ADGRG6: variants seen among roughly 807,000 people sequenced by gnomAD.
ADGRG6 encodes the protein G-protein coupled receptor 126.
Under a neutral mutation model 142.4 loss-of-function variants are expected in ADGRG6, and 84 were observed. The ratio of observed to expected loss-of-function variants is 0.59; its 90% CI spans 0.49 to 0.71. The LOEUF (loss-of-function observed/expected upper bound fraction) is 0.71, where lower values mean the gene tolerates loss of function less well. ADGRG6 is among the 30% of genes least tolerant of loss of function. The pLI, the probability that ADGRG6 is intolerant of heterozygous loss-of-function variation, is 0.00. For missense variants in ADGRG6, 1,367 were observed against 1,466.6 expected (o/e 0.93, Z 1.11); for synonymous variants, 521 against 520.5 (o/e 1.00, Z -0.01).
rs1774986111 is a variant in ADGRG6, at chr6:142,393,106, G to A, written c.1361+106G>A. The A allele has an allele frequency of 4.7e-6, 3 of 639,244 alleles. No homozygotes were observed. In the African/African-American group the frequency reaches 5.5e-5, roughly 12 times the overall value. 39.6% of individuals were successfully genotyped at this position (639,244 alleles called of 1,614,324 possible). Reference sequence around the variant, plus strand: ...ATATACATACAAATACACACACATAGCTACTATATACATAATCTTTCTAAA... The same window carrying A: ...ATATACATACAAATACACACACATAACTACTATATACATAATCTTTCTAAA... On this transcript the variant is annotated intron_variant, in intron 8 of 24. Transcript: ENST00000367609.
chr6:142,392,686 A>G (rs1774957466), intron 7 of ADGRG6, among the ~76,000 whole-genome samples: 1 of 151,970 alleles, frequency 6.6e-6, no homozygotes, highest in Non-Finnish European at 1.5e-5. Context: ...CAGTTTCTTT[A>G]TATATAAGAC....
chr6:142,322,959 T>G (rs1050330710), intron 2 of ADGRG6, among the ~76,000 whole-genome samples: 1 of 152,044 alleles, frequency 6.6e-6, no homozygotes, highest in East Asian at 1.9e-4. Flanking sequence ...CTAGAGGAGC[T>G]CAGCACCTGG....
chr6:142,400,038 T>C (rs561183183), intron 10 of ADGRG6, among the ~76,000 whole-genome samples: 3 of 152,318 alleles, frequency 2.0e-5, no homozygotes, highest in Non-Finnish European at 4.4e-5. Context: ...TGGAACATTT[T>C]CTATAAAATA....
intron 22 of ADGRG6, among the ~76,000 whole-genome samples, chr6:142,429,339 A>G (rs2115152306): frequency 6.6e-6 from 1 of 152,352 alleles, no homozygotes; most frequent in Non-Finnish European, 1.5e-5. Flanking sequence ...TGTATAATAC[A>G]CATATTGAAT....
At chr6:142,423,873 A>AG (rs1212004540) in intron 22 of ADGRG6, among the ~76,000 whole-genome samples, 2 of 139,226 alleles carry the variant, frequency 1.4e-5, no homozygotes, top group African/African-American at 5.5e-5. Flanking sequence ...TTCTCCTTGA[A>AG]GAGGTCCTTC....
At chr6:142,335,621 T>C (rs559503266) in intron 2 of ADGRG6, among the ~76,000 whole-genome samples, 4 of 152,106 alleles carry the variant, frequency 2.6e-5, no homozygotes, top group Middle Eastern at 3.4e-3. Context: ...GGAGTTGAGA[T>C]CCCGATTTGG....
At chr6:142,347,132 G>T (rs1037472617) in intron 2 of ADGRG6, among the ~76,000 whole-genome samples, 25 of 151,892 alleles carry the variant, frequency 1.6e-4, no homozygotes, top group African/African-American at 6.0e-4. Context: ...AATTCTTAGG[G>T]CTAGAGACAG....
At chr6:142,429,887 A>G (rs1777127676) in intron 22 of ADGRG6, among the ~76,000 whole-genome samples, 1 of 152,076 alleles carries the variant, frequency 6.6e-6, no homozygotes, top group Non-Finnish European at 1.5e-5. Context: ...CCCCATCTTT[A>G]CAAAAATAAA....
intron 2 of ADGRG6, among the ~76,000 whole-genome samples, chr6:142,329,061 G>T (rs1778916247): frequency 6.6e-6 from 1 of 152,134 alleles, no homozygotes; most frequent in African/African-American, 2.4e-5. Context: ...CTTCATATGG[G>T]CCCTGGAAAA....
At chr6:142,361,808 G>GT (rs113523803) in intron 2 of ADGRG6, among the ~76,000 whole-genome samples, 12,919 of 144,350 alleles carry the variant, frequency 0.089, 661 homozygotes, top group East Asian at 0.26. Context: ...CCTTTAGATT[G>GT]TTTTTTTTTT....
intron 24 of ADGRG6, 90 bp from the exon 25 acceptor site, chr6:142,443,247 T>C: frequency 1.4e-6 from 1 of 717,256 alleles, no homozygotes; most frequent in South Asian, 2.3e-5. Context: ...TTGTTCTTCT[T>C]TAATGTGCAA....
intron 1 of ADGRG6, among the ~76,000 whole-genome samples, chr6:142,309,017 G>T (rs1777634039): frequency 6.6e-6 from 1 of 151,458 alleles, no homozygotes. Context: ...ACCTTTTTTG[G>T]AATGTTAATG....
intron 2 of ADGRG6, among the ~76,000 whole-genome samples, chr6:142,330,024 A>G (rs914704682): frequency 1.3e-5 from 2 of 151,342 alleles, no homozygotes; most frequent in African/African-American, 4.9e-5. Context: ...AAAACAACAT[A>G]TTCTGCTGGA....
intron 15 of ADGRG6, among the ~76,000 whole-genome samples, chr6:142,407,030 A>G (rs913009616): frequency 6.6e-6 from 1 of 151,898 alleles, no homozygotes; most frequent in Non-Finnish European, 1.5e-5. Flanking sequence ...TCTCTACCAA[A>G]GTTGTTATTA....
chr6:142,430,870 A>G (rs1391832581), intron 22 of ADGRG6, among the ~76,000 whole-genome samples: 4 of 152,030 alleles, frequency 2.6e-5, no homozygotes, highest in Non-Finnish European at 4.4e-5. Context: ...TTCCTTCACT[A>G]TATTTGCTGA....
At chr6:142,348,225 G>C (rs930568580) in intron 2 of ADGRG6, among the ~76,000 whole-genome samples, 2 of 152,242 alleles carry the variant, frequency 1.3e-5, no homozygotes, top group East Asian at 3.9e-4. Context: ...TTCTAGGACA[G>C]TATATTTCTA....
chr6:142,353,291 G>T (rs1780276697), intron 2 of ADGRG6, among the ~76,000 whole-genome samples: 1 of 151,992 alleles, frequency 6.6e-6, no homozygotes, highest in Admixed American at 6.6e-5. Flanking sequence ...ATCACCAATT[G>T]CTACAGGAGG....
chr6:142,357,816 T>C (rs1026655937), intron 2 of ADGRG6, among the ~76,000 whole-genome samples: 1 of 152,202 alleles, frequency 6.6e-6, no homozygotes, highest in Non-Finnish European at 1.5e-5. Flanking sequence ...GGTGACCATA[T>C]GTAAAGACAT....
At chr6:142,385,454 T>C (rs1160162763) in intron 6 of ADGRG6, among the ~76,000 whole-genome samples, 1 of 152,208 alleles carries the variant, frequency 6.6e-6, no homozygotes, top group Non-Finnish European at 1.5e-5. Flanking sequence ...ACAATTGTTA[T>C]TTTTACCATG....
Sources: gnomAD v4.1 joint callset for allele counts (sites outside exome capture counted in the v4.1 genomes callset) on GRCh38, gnomAD v4.1.1 for gene constraint, MANE v1.5 for transcripts, NCBI Gene and HGNC (gene_info 2026-07-23, HGNC 2026-07-21) for gene names.